Variants in LDAH observed in about 807,000 individuals in gnomAD.
LDAH encodes the protein lipid droplet associated hydrolase.
In LDAH, 26 loss-of-function variants were observed where a neutral mutation model predicts 29.6. The observed-to-expected ratio is 0.88, with a 90% CI of 0.64 to 1.22. The LOEUF (loss-of-function observed/expected upper bound fraction) is 1.22, where lower values mean the gene tolerates loss of function less well. LDAH is among the 50% of genes most tolerant of loss of function. The pLI, the probability that LDAH is intolerant of heterozygous loss-of-function variation, is 0.00. For missense variants in LDAH, 344 were observed against 387.3 expected (o/e 0.89, Z 0.94); for synonymous variants, 117 against 133.0 (o/e 0.88, Z 0.83).
intron 6 of LDAH, among the ~76,000 whole-genome samples, chr2:20,690,802 C>T (rs1214514662): frequency 6.6e-6 from 1 of 152,048 alleles, no homozygotes; most frequent in East Asian, 1.9e-4. Context: ...AAAAATGAAT[C>T]GCAATGCACC....
chr2:20,682,539 C>T (rs1459972774), downstream of LDAH, among the ~76,000 whole-genome samples: 6 of 152,122 alleles, frequency 3.9e-5, no homozygotes, highest in African/African-American at 1.4e-4. Context: ...GCTGGAAAGT[C>T]CAAGATTGAG....
chr2:20,799,374 A>G (rs1432162826), intron 2 of LDAH, among the ~76,000 whole-genome samples: 2 of 152,164 alleles, frequency 1.3e-5, no homozygotes, highest in African/African-American at 4.8e-5. Flanking sequence ...ATTGATATTT[A>G]TGTTATATAT....
At chr2:20,690,926 T>C (rs1406032481) in intron 6 of LDAH, among the ~76,000 whole-genome samples, 1 of 152,164 alleles carries the variant, frequency 6.6e-6, no homozygotes, top group Non-Finnish European at 1.5e-5. Flanking sequence ...ATTGTATCTA[T>C]ATTTTACAGA....
At chr2:20,777,478 G>A (rs1319748777) in intron 3 of LDAH, among the ~76,000 whole-genome samples, 1 of 152,084 alleles carries the variant, frequency 6.6e-6, no homozygotes, top group East Asian at 1.9e-4. Context: ...AGGCTGGAAT[G>A]CAGTAGCACA....
intron 4 of LDAH, among the ~76,000 whole-genome samples, chr2:20,760,366 T>C (rs1668598649): frequency 6.6e-6 from 1 of 152,232 alleles, no homozygotes; most frequent in South Asian, 2.1e-4. Flanking sequence ...TTGTTATCTA[T>C]TGCTATGTAA....
intron 1 of LDAH, among the ~76,000 whole-genome samples, chr2:20,818,074 TAC>T (rs1672980060): frequency 6.6e-6 from 1 of 152,146 alleles, no homozygotes; most frequent in Admixed American, 6.5e-5. Context: ...TAGACCTGTG[TAC>T]ACACACAAAT....
At chr2:20,797,292 C>T (rs908826944) in intron 2 of LDAH, among the ~76,000 whole-genome samples, 1 of 152,154 alleles carries the variant, frequency 6.6e-6, no homozygotes, top group African/African-American at 2.4e-5. Context: ...CTAGGCATAA[C>T]CAAACACTGA....
intron 5 of LDAH, among the ~76,000 whole-genome samples, chr2:20,730,956 A>T (rs1301610500): frequency 6.6e-6 from 1 of 152,200 alleles, no homozygotes; most frequent in Non-Finnish European, 1.5e-5. Flanking sequence ...CTACATAATA[A>T]ATCTTGCAAC....
chr2:20,708,533 G>A (rs903579800), intron 5 of LDAH, among the ~76,000 whole-genome samples: 1 of 152,242 alleles, frequency 6.6e-6, no homozygotes, highest in African/African-American at 2.4e-5. Context: ...CCCAAATGAG[G>A]AGAAAAACTG....
chr2:20,721,349 T>C (rs1337662362), intron 5 of LDAH, among the ~76,000 whole-genome samples: 1 of 151,960 alleles, frequency 6.6e-6, no homozygotes, highest in African/African-American at 2.4e-5. Context: ...AAGGAAGACA[T>C]ACAAATGGCC....
At chr2:20,814,908 C>T (rs955227025) in intron 1 of LDAH, among the ~76,000 whole-genome samples, 6 of 152,028 alleles carry the variant, frequency 3.9e-5, no homozygotes, top group Non-Finnish European at 5.9e-5. Context: ...CAAGGAATTA[C>T]CTGAGACAAA....
chr2:20,718,751 G>A (rs116191907), intron 5 of LDAH, among the ~76,000 whole-genome samples: 5,050 of 152,038 alleles, frequency 0.033, 244 homozygotes, highest in African/African-American at 0.11. Flanking sequence ...TCCAGCATAG[G>A]GCATATGTTA....
intron 4 of LDAH, among the ~76,000 whole-genome samples, chr2:20,759,548 A>G (rs188531433): frequency 1.3e-3 from 197 of 152,290 alleles, no homozygotes; most frequent in African/African-American, 4.6e-3. Flanking sequence ...TGAGCGTAAA[A>G]CAACCTCATA....
Position 20,725,018 on chromosome 2 carries a change from C to T in LDAH, c.703+14953G>A, listed in dbSNP as rs564955299. 2.6e-5 allele frequency among the ~76,000 whole-genome samples: 4 copies of T among 152,140 alleles called. No individual in the cohort carries two copies. In the South Asian group the frequency reaches 6.2e-4, roughly 24 times the overall value. On this transcript the variant is annotated intron_variant, in intron 5 of 6. Coordinates refer to ENST00000237822, the MANE Select transcript of LDAH (RefSeq NM_021925.4). ...AATCAACCATTGTGGGTGTATATACCGCAATATATATGTGAGTTTTACTCT... is the reference window on the plus strand; with the variant it reads ...AATCAACCATTGTGGGTGTATATACTGCAATATATATGTGAGTTTTACTCT...
At chr2:20,780,066 C>T (rs752870009) in intron 3 of LDAH, among the ~76,000 whole-genome samples, 2 of 152,154 alleles carry the variant, frequency 1.3e-5, no homozygotes, top group Non-Finnish European at 2.9e-5. Context: ...TCATCAAACC[C>T]CAGCTCCCTC....
At chr2:20,722,029 C>T (rs149064005) in intron 5 of LDAH, among the ~76,000 whole-genome samples, 1 of 152,042 alleles carries the variant, frequency 6.6e-6, no homozygotes, top group African/African-American at 2.4e-5. Context: ...AAGTGAAAAC[C>T]AGGCACAGAA....
intron 1 of LDAH, among the ~76,000 whole-genome samples, chr2:20,806,464 C>A (rs916793032): frequency 2.6e-5 from 4 of 152,056 alleles, no homozygotes; most frequent in Non-Finnish European, 5.9e-5. Flanking sequence ...GCAGGTTTGA[C>A]TTTTAAAGGC....
At chr2:20,750,049 A>G (rs934630448) in intron 4 of LDAH, among the ~76,000 whole-genome samples, 1 of 142,684 alleles carries the variant, frequency 7.0e-6, no homozygotes, top group African/African-American at 2.6e-5. Flanking sequence ...TTTTTGAAAC[A>G]AAGTCTCATT....
At position 20,723,835 on chromosome 2, in the gene LDAH, A is replaced by G. The variant is rs563679810; in HGVS notation, c.703+16136T>C. Among the ~76,000 whole-genome samples, 3 of 152,368 alleles carry G rather than the reference A, an allele frequency of 2.0e-5. No individual in the cohort carries two copies. The South Asian group carries it at 6.2e-4, about 32-fold the overall frequency. On this transcript the variant is annotated intron_variant, in intron 5 of 6. Coordinates refer to ENST00000237822, the MANE Select transcript of LDAH (RefSeq NM_021925.4). ...CACTACAGTGAAGGAAATGTCTAGT[A>G]GCAGTAGTAATGGAAACAAAAACAT... is the stretch of plus-strand genomic sequence containing the variant.
Sources: gnomAD v4.1 joint callset for allele counts (sites outside exome capture counted in the v4.1 genomes callset) on GRCh38, gnomAD v4.1.1 for gene constraint, MANE v1.5 for transcripts, NCBI Gene and HGNC (gene_info 2026-07-23, HGNC 2026-07-21) for gene names.